NLRP12: variants seen among roughly 807,000 people sequenced by gnomAD.
NLRP12 encodes NLR family pyrin domain containing 12.
In NLRP12, 108 loss-of-function variants were observed where a neutral mutation model predicts 91.2. The ratio of observed to expected loss-of-function variants is 1.18; its 90% CI spans 1.01 to 1.39. The LOEUF (loss-of-function observed/expected upper bound fraction) is 1.39, where lower values mean the gene tolerates loss of function less well. Ranked by LOEUF, NLRP12 falls within the 40% of genes most tolerant of loss-of-function variation. NLRP12 has a pLI of 0.00. For missense variants in NLRP12, 1,530 were observed against 1,352.7 expected (o/e 1.13, Z -2.06); for synonymous variants, 613 against 566.7 (o/e 1.08, Z -1.16).
chr19:53,815,214 A>G (rs911482717), intron 1 of NLRP12, among the ~76,000 whole-genome samples: 51 of 139,308 alleles, frequency 3.7e-4, no homozygotes, highest in African/African-American at 1.3e-3. Context: ...ACCTCCATCC[A>G]TCCAATCAGT....
intron 1 of NLRP12, among the ~76,000 whole-genome samples, chr19:53,822,258 A>G (rs2092272500): frequency 6.6e-6 from 1 of 152,158 alleles, no homozygotes; most frequent in African/African-American, 2.4e-5. Context: ...TTATATAGAT[A>G]TAGATGTGTG....
At chr19:53,815,856 CAA>C (rs1406986076) in intron 1 of NLRP12, among the ~76,000 whole-genome samples, 93 of 150,506 alleles carry the variant, frequency 6.2e-4, no homozygotes, top group African/African-American at 2.1e-3. Flanking sequence ...GTGATCCACC[CAA>C]CTCGGCCTCC....
At position 53,796,083 on chromosome 19, in the gene NLRP12, C is replaced by T. The variant is rs2091753693; in HGVS notation, c.2928-54G>A. The T allele has an allele frequency of 9.0e-6, 14 of 1,549,688 alleles. No individual in the cohort carries two copies. In the East Asian group the frequency reaches 1.4e-4, roughly 15 times the overall value. ...AACACCAGGGGCTACTTATGTTATT[C>T]GGAGGCAGTGTCTCACCCTGTCTCC... On this transcript the variant is annotated intron_variant, in intron 8 of 9. Transcript: ENST00000324134.
chr19:53,795,806 C>A, intron 9 of NLRP12, 53 bp downstream of exon 9: 1 of 1,554,178 alleles, frequency 6.4e-7, no homozygotes, highest in South Asian at 1.1e-5. Context: ...TACCCTCATG[C>A]TCCCAGCCCA....
chr19:53,796,722 C>T (rs985236026), intron 8 of NLRP12, among the ~76,000 whole-genome samples: 2 of 148,610 alleles, frequency 1.3e-5, no homozygotes, highest in Non-Finnish European at 3.0e-5. Flanking sequence ...TTAGGCCGGG[C>T]GTGGTGGCTC....
chr19:53,795,654 G>A (rs1044329852), intron 9 of NLRP12, among the ~76,000 whole-genome samples: 3 of 152,108 alleles, frequency 2.0e-5, no homozygotes, highest in African/African-American at 4.8e-5. Context: ...GATTATAGGT[G>A]TGAGCCACCG....
chr19:53,801,442 CTTTT>C (rs531637211), intron 6 of NLRP12, 45 bp from the exon 7 acceptor site: 46 of 1,304,884 alleles, frequency 3.5e-5, no homozygotes, highest in Admixed American at 7.8e-5. Context: ...GCTTTCCTTT[CTTTT>C]TCTTTTTTTT....
intron 1 of NLRP12, among the ~76,000 whole-genome samples, chr19:53,823,517 A>AAAAATATATTTTAAAT (rs369390784): frequency 1.2e-4 from 3 of 26,042 alleles, no homozygotes; most frequent in African/African-American, 3.6e-4. Flanking sequence ...ATATATTTAA[A>AAAAATATATTTTAAAT]ACATATATTT....
At chr19:53,795,720 GCTAATATGTGGCCTCATCTGTAT>G in intron 9 of NLRP12, 116 bp downstream of exon 9, 2 of 788,332 alleles carry the variant, frequency 2.5e-6, no homozygotes, top group Non-Finnish European at 4.3e-6. Context: ...AGATGACATA[GCTAATATGTGGCCTCATCTGTAT>G]GCCCCCTAAT....
intron 1 of NLRP12, among the ~76,000 whole-genome samples, chr19:53,823,530 A>T (rs1313155277): frequency 7.0e-6 from 1 of 142,280 alleles, no homozygotes; most frequent in Non-Finnish European, 1.5e-5. Context: ...ATATATTTTA[A>T]ATATATATAT....
Position 53,810,859 on chromosome 19 carries a change from A to G in NLRP12, c.800T>C (p.Leu267Pro). The change falls in exon 3 of 10, where the codon CTC becomes CCC. Residue 267 changes from leucine to proline, a missense_variant. Physicochemically the swap from Leu to Pro is moderately conservative, Grantham distance 98. Transcript: ENST00000324134. ...GGGCTCAGGCCAGCAGCTGAAGATG[A>G]GGTCTTGCATGCTGCATTCCGTGGC... ...QSATECSMQDLIFSCWPEPSA... is the reference protein window; with the variant it reads ...QSATECSMQDPIFSCWPEPSA... 1 of 1,614,050 alleles carries G rather than the reference A, an allele frequency of 6.2e-7. No homozygotes were observed. Among genetic ancestry groups the G allele is most frequent in the Non-Finnish European group, 8.5e-7 (1 of 1,180,002 alleles).
chr19:53,795,793 A>G (rs2091745317), intron 9 of NLRP12, 66 bp downstream of exon 9: 1 of 1,464,722 alleles, frequency 6.8e-7, no homozygotes, highest in Non-Finnish European at 9.5e-7. Flanking sequence ...CATCCAGCTT[A>G]TCTACCCTCA....
At chr19:53,806,679 CAAAAAAAAAA>C (rs58275455) in intron 4 of NLRP12, among the ~76,000 whole-genome samples, 2 of 43,390 alleles carry the variant, frequency 4.6e-5, no homozygotes, top group African/African-American at 2.1e-4. Flanking sequence ...GACTCCGTCT[CAAAAAAAAAA>C]AAAAAAAAAA....
intron 8 of NLRP12, among the ~76,000 whole-genome samples, chr19:53,796,395 GC>G (rs1179288354): frequency 6.8e-6 from 1 of 148,000 alleles, no homozygotes; most frequent in Non-Finnish European, 1.5e-5. Context: ...GGGACTACAG[GC>G]GAGAGCCACC....
chr19:53,816,612 C>A (rs1414343006), intron 1 of NLRP12, among the ~76,000 whole-genome samples: 1 of 152,118 alleles, frequency 6.6e-6, no homozygotes, highest in Non-Finnish European at 1.5e-5. Context: ...ATCTTCACCT[C>A]CCAGGTTTAA....
intron 1 of NLRP12, among the ~76,000 whole-genome samples, chr19:53,822,475 G>A (rs371270224): frequency 1.1e-4 from 17 of 152,086 alleles, no homozygotes; most frequent in African/African-American, 3.6e-4. Flanking sequence ...GCTTATGCCC[G>A]TAATCCCAGC....
At chr19:53,801,528 C>G in intron 6 of NLRP12, 131 bp from the exon 7 acceptor site, 18 of 1,246,806 alleles carry the variant, frequency 1.4e-5, no homozygotes, top group Non-Finnish European at 2.0e-5. Flanking sequence ...CTCGGCTCAG[C>G]TGCATCCTCC....
chr19:53,805,050 G>T (rs1388216182), intron 5 of NLRP12, among the ~76,000 whole-genome samples: 1 of 152,048 alleles, frequency 6.6e-6, no homozygotes. Flanking sequence ...AAGAAGAGGT[G>T]GGGGATGGCC....
At chr19:53,796,787 G>A (rs963951269) in intron 8 of NLRP12, among the ~76,000 whole-genome samples, 5 of 151,826 alleles carry the variant, frequency 3.3e-5, no homozygotes, top group Non-Finnish European at 4.4e-5. Context: ...ACCTGAGGTC[G>A]GGAGTTCAAG....
Sources: gnomAD v4.1 joint callset for allele counts (sites outside exome capture counted in the v4.1 genomes callset) on GRCh38, gnomAD v4.1.1 for gene constraint, MANE v1.5 for transcripts, NCBI Gene and HGNC (gene_info 2026-07-23, HGNC 2026-07-21) for gene names.